The following DLEC1 variants were observed in gnomAD, a reference collection of about 807,000 sequenced individuals.
DLEC1 encodes DLEC1 cilia and flagella associated protein.
In DLEC1, 146 loss-of-function variants were observed where a neutral mutation model predicts 198.1. That is an observed-to-expected ratio of 0.74 (90% CI 0.64 to 0.85). The LOEUF (loss-of-function observed/expected upper bound fraction) is 0.85. DLEC1 is among the 40% of genes least tolerant of loss of function. The pLI is 0.00. For missense variants in DLEC1, 2,233 were observed against 2,220.0 expected, an observed-to-expected ratio of 1.01 and a Z score of -0.12; for synonymous variants, 897 against 866.8, an observed-to-expected ratio of 1.03 and a Z score of -0.61.
At chr3:38,058,464 A>G (rs554160453) in intron 2 of DLEC1, among the ~76,000 whole-genome samples, 1 of 152,214 alleles carries the variant, frequency 6.6e-6, no homozygotes, top group Non-Finnish European at 1.5e-5. Flanking sequence ...ACAGTGTGGA[A>G]ATGCCCACTC....
intron 6 of DLEC1, among the ~76,000 whole-genome samples, chr3:38,064,816 G>A (rs1696920950): frequency 6.6e-6 from 1 of 151,726 alleles, no homozygotes; most frequent in Non-Finnish European, 1.5e-5. Context: ...CTTCCTAGAT[G>A]GGATGACGGC....
chr3:38,096,055 C>T lies in DLEC1; in HGVS notation c.2171+109C>T, dbSNP rs901426294. On this transcript the variant is annotated intron_variant, in intron 14 of 36. Coordinates refer to ENST00000308059, the MANE Select transcript of DLEC1 (RefSeq NM_007335.4). ...GAGGGGGAGTGGGCAGCCTGGTCCC[C>T]GCAGGCTTTGGGGAGTGAGAGCATT... 32 of 1,363,362 alleles carry T rather than the reference C, an allele frequency of 2.3e-5. No homozygotes were observed. The East Asian group carries it at 2.8e-4, about 12-fold the overall frequency. The allele number at this position is 1,363,362 out of a possible 1,614,324, so 84.5% of individuals were successfully genotyped here. A position where few individuals can be genotyped will look rare whatever the true frequency, so the allele number is the denominator to read the frequency against.
At chr3:38,121,180 A>T (rs553050352) in intron 34 of DLEC1, among the ~76,000 whole-genome samples, 3 of 152,334 alleles carry the variant, frequency 2.0e-5, no homozygotes, top group African/African-American at 7.2e-5. Context: ...GCTGGGGCTG[A>T]GGCTGTGGGA....
chr3:38,096,202 G>A (rs1422174930), intron 14 of DLEC1, among the ~76,000 whole-genome samples: 5 of 152,184 alleles, frequency 3.3e-5, no homozygotes, highest in Admixed American at 6.5e-5. Context: ...GTTGCTCTTG[G>A]GGAGCCAAAC....
At chr3:38,122,255 C>G in intron 36 of DLEC1, 34 bp from the exon 37 acceptor site, 3 of 1,607,028 alleles carry the variant, frequency 1.9e-6, no homozygotes, top group South Asian at 2.2e-5. Flanking sequence ...TGCCCAGGTG[C>G]CTCCTAACCT....
chr3:38,094,577 T>G (rs893551362), intron 12 of DLEC1, among the ~76,000 whole-genome samples: 14 of 152,210 alleles, frequency 9.2e-5, no homozygotes, highest in African/African-American at 3.1e-4. Context: ...TCCACTTTAA[T>G]GATTGGAACA....
intron 7 of DLEC1, among the ~76,000 whole-genome samples, chr3:38,084,536 G>A (rs79000213): frequency 7.7e-5 from 5 of 64,746 alleles, no homozygotes; most frequent in Non-Finnish European, 1.0e-4. Flanking sequence ...TAGTAGTGGT[G>A]GTGGTAGTAG....
chr3:38,089,848 A>G (rs1276767821), intron 10 of DLEC1, among the ~76,000 whole-genome samples: 2 of 152,174 alleles, frequency 1.3e-5, no homozygotes, highest in African/African-American at 4.8e-5. Flanking sequence ...AAATGTATTC[A>G]TAGTTCCAAA....
intron 1 of DLEC1, among the ~76,000 whole-genome samples, chr3:38,043,767 C>T (rs1049909359): frequency 6.6e-6 from 1 of 152,134 alleles, no homozygotes; most frequent in Admixed American, 6.5e-5. Flanking sequence ...AATCTCAACT[C>T]ACTGTAATCT....
At position 38,122,147 on chromosome 3, in the gene DLEC1, C is replaced by CT; in HGVS notation, c.5097_5098insT (p.Asn1700Ter). ...GTGGGCTGCTAGAAGCACGATCCGCCAATGCACCCCCAACCTCCATCGCCT... is the reference window on the plus strand; with the variant it reads ...GTGGGCTGCTAGAAGCACGATCCGCCTAATGCACCCCCAACCTCCATCGCCT... On this transcript the variant is annotated frameshift_variant, in exon 36 of 37. Coordinates refer to ENST00000308059, the MANE Select transcript of DLEC1 (RefSeq NM_007335.4). LOFTEE classifies it low-confidence loss of function (END_TRUNC). 1 of 1,614,154 alleles carries CT rather than the reference C, an allele frequency of 6.2e-7. No homozygotes were observed.
chr3:38,115,257 AGGGGATCCCTTTCT>A (rs1183555667), intron 27 of DLEC1, among the ~76,000 whole-genome samples: 1 of 152,138 alleles, frequency 6.6e-6, no homozygotes, highest in Non-Finnish European at 1.5e-5. Context: ...AGACAATAAG[AGGGGATCCCTTTCT>A]CATTCCTCCA....
rs750944069 is a variant in DLEC1 at position 38,085,347 on chromosome 3, C to G, written c.1335C>G (p.Asp445Glu). 8 of 1,614,010 alleles carry G rather than the reference C, an allele frequency of 5.0e-6. No homozygotes were observed. The East Asian group carries it at 1.6e-4, about 31-fold the overall frequency. Residue 445 changes from aspartate (D) to glutamate (E), a missense_variant, in exon 8 of 37, where the codon GAC becomes GAG. Transcript: ENST00000308059. ...AGTACATTGTCCAGTTTTTTCCCGA[C>G]TGCCTTGGGGATTTTGATGATTTTA... is the stretch of plus-strand genomic sequence containing the variant. ...TCQYIVQFFPDCLGDFDDFIL... is the reference protein window; with the variant it reads ...TCQYIVQFFPECLGDFDDFIL...
chr3:38,114,941 C>T (rs200840246), intron 26 of DLEC1, 42 bp from the exon 27 acceptor site: 13 of 1,584,946 alleles, frequency 8.2e-6, no homozygotes, highest in Middle Eastern at 1.7e-4. Flanking sequence ...GCAAGGTGTA[C>T]GCTGGCTGTG....
Position 38,118,003 on chromosome 3 carries a change from C to T in DLEC1, c.4683C>T (p.Leu1561=), listed in dbSNP as rs1700274668. ...ETASADKQLV[L]QAQENMLVNV... is the part of the protein sequence containing the mutation. ...CCTCAGCGGACAAGCAGCTGGTGCT[C>T]CAAGCACAGGAGAACATGCTGGTCA... The change falls in exon 33 of 37, where the codon CTC becomes CTT. Residue 1561 remains leucine (L), a synonymous_variant. Transcript: ENST00000308059. The T allele has an allele frequency of 6.2e-7, 1 of 1,607,900 alleles. No homozygotes were observed. Among genetic ancestry groups the T allele is most frequent in the Non-Finnish European group, 8.5e-7 (1 of 1,177,142 alleles).
chr3:38,064,184 G>T (rs1346465603), intron 6 of DLEC1, among the ~76,000 whole-genome samples: 1 of 151,724 alleles, frequency 6.6e-6, no homozygotes, highest in Non-Finnish European at 1.5e-5. Context: ...GTGTCCCTGG[G>T]TACTTGAGAT....
intron 6 of DLEC1, among the ~76,000 whole-genome samples, chr3:38,076,614 A>T (rs1457371106): frequency 2.0e-5 from 3 of 152,174 alleles, no homozygotes; most frequent in Non-Finnish European, 4.4e-5. Context: ...GTGGAATGTC[A>T]TCAGTTAAGG....
intron 2 of DLEC1, among the ~76,000 whole-genome samples, chr3:38,052,964 A>AT (rs1181999523): frequency 6.6e-6 from 1 of 152,072 alleles, no homozygotes; most frequent in Admixed American, 6.6e-5. Context: ...TGGTTTTCGT[A>AT]TTTTTTTGGT....
intron 27 of DLEC1, among the ~76,000 whole-genome samples, chr3:38,115,782 AGGCAGAT>A (rs1410577200): frequency 6.6e-6 from 1 of 151,988 alleles, no homozygotes; most frequent in Non-Finnish European, 1.5e-5. Context: ...GGGTGTGGGA[AGGCAGAT>A]GGAGGTGTCA....
chr3:38,110,376 C>A, intron 23 of DLEC1, 95 bp downstream of exon 23: 4 of 1,442,322 alleles, frequency 2.8e-6, no homozygotes, highest in South Asian at 2.5e-5. Flanking sequence ...AGTGGCTGGT[C>A]GGTGTGAGAG....
Sources: gnomAD v4.1 joint callset for allele counts (sites outside exome capture counted in the v4.1 genomes callset) on GRCh38, gnomAD v4.1.1 for gene constraint, MANE v1.5 for transcripts, NCBI Gene and HGNC (gene_info 2026-07-23, HGNC 2026-07-21) for gene names.